The following GALNTL6 variants were observed in gnomAD, a reference collection of about 807,000 sequenced individuals.
GALNTL6 encodes polypeptide N-acetylgalactosaminyltransferase like 6.
A neutral mutation model predicts 73.7 loss-of-function variants in GALNTL6; 46 were observed. The observed-to-expected ratio is 0.62, with a 90% CI of 0.49 to 0.80. The LOEUF is 0.80. Ranked by LOEUF, GALNTL6 falls within the 30% of genes least tolerant of loss-of-function variation. The pLI is 0.00. For missense variants in GALNTL6, 604 were observed against 755.0 expected (o/e 0.80, Z 2.34); for synonymous variants, 259 against 263.7 (o/e 0.98, Z 0.17).
Position 172,628,037 on chromosome 4 carries a change from G to A in GALNTL6, c.554-181324G>A, listed in dbSNP as rs149090468. 6.0e-3 allele frequency among the ~76,000 whole-genome samples: 904 copies of A among 151,886 alleles called. 35 individuals carry two copies. In the East Asian group the frequency reaches 0.11, roughly 18 times the overall value. ...CTGTGAGTTTTTAGTATTGTGCAGT[G>A]CTCTATGAAATAAAGAAAAATATAC... On this transcript the variant is annotated intron_variant, in intron 5 of 12. Coordinates refer to ENST00000506823, the MANE Select transcript of GALNTL6 (RefSeq NM_001034845.3).
At chr4:171,952,072 C>G (rs891157094) in intron 2 of GALNTL6, among the ~76,000 whole-genome samples, 5 of 151,858 alleles carry the variant, frequency 3.3e-5, no homozygotes, top group African/African-American at 1.2e-4. Flanking sequence ...AATAAAGTAA[C>G]TAATTTAAAG....
In GALNTL6 at chr4:171,932,865, T is replaced by A. The variant is rs148461992; in HGVS notation, c.138+118147T>A. Among the ~76,000 whole-genome samples the A allele has an allele frequency of 1.6e-4, 25 of 152,252 alleles. No homozygotes were observed. In the East Asian group the frequency reaches 4.8e-3, roughly 29 times the overall value. ...GATAATACAATTGGATCACCAGGGATCCGGAATGTGTATCTAAATTGCTGG... is the reference window on the plus strand; with the variant it reads ...GATAATACAATTGGATCACCAGGGAACCGGAATGTGTATCTAAATTGCTGG... On this transcript the variant is annotated intron_variant, in intron 2 of 12. Transcript: ENST00000506823.
intron 5 of GALNTL6, among the ~76,000 whole-genome samples, chr4:172,566,181 T>A (rs1736548512): frequency 6.6e-6 from 1 of 152,168 alleles, no homozygotes; most frequent in South Asian, 2.1e-4. Flanking sequence ...AACAACACTG[T>A]AGATTTAGTA....
At chr4:172,784,448 A>G (rs761656842) in intron 5 of GALNTL6, among the ~76,000 whole-genome samples, 1 of 152,154 alleles carries the variant, frequency 6.6e-6, no homozygotes, top group Non-Finnish European at 1.5e-5. Context: ...TTGTAAAAAA[A>G]TACTATAAAT....
At chr4:171,815,026 A>G (rs1177947755) in intron 2 of GALNTL6, 1 of 475,238 alleles carries the variant, frequency 2.1e-6, no homozygotes, top group Admixed American at 3.7e-5. Flanking sequence ...CTGTTCAGCT[A>G]TGGAGGTGGG....
intron 2 of GALNTL6, among the ~76,000 whole-genome samples, chr4:171,880,048 T>G (rs180672558): frequency 6.6e-6 from 1 of 152,326 alleles, no homozygotes; most frequent in Admixed American, 6.5e-5. Context: ...AAGTAATCAG[T>G]AACATCATCC....
intron 5 of GALNTL6, among the ~76,000 whole-genome samples, chr4:172,471,476 C>T (rs1733047224): frequency 6.6e-6 from 1 of 152,166 alleles, no homozygotes; most frequent in South Asian, 2.1e-4. Flanking sequence ...ATTGATGCCA[C>T]TGTGAATCCA....
rs189817883 is a variant in GALNTL6, at chr4:171,859,519, T to A, written c.138+44801T>A. Among the ~76,000 whole-genome samples the A allele has an allele frequency of 1.2e-4, 18 of 152,182 alleles. No homozygotes were observed. In the East Asian group the frequency reaches 3.5e-3, roughly 29 times the overall value. ...CTTGATGACACACTGCAAGGATGCA[T>A]GGAACTGAGAAAAAAATCGGTTATA... On this transcript the variant is annotated intron_variant, in intron 2 of 12. Coordinates refer to ENST00000506823, the MANE Select transcript of GALNTL6 (RefSeq NM_001034845.3).
chr4:171,981,818 G>A (rs1181001969), intron 2 of GALNTL6, among the ~76,000 whole-genome samples: 2 of 151,476 alleles, frequency 1.3e-5, no homozygotes, highest in Non-Finnish European at 2.9e-5. Context: ...TATGTTTAAA[G>A]GAAATTATTC....
chr4:172,096,488 C>T (rs1447537695), intron 2 of GALNTL6, among the ~76,000 whole-genome samples: 3 of 151,728 alleles, frequency 2.0e-5, no homozygotes, highest in African/African-American at 4.8e-5. Context: ...TCCAATCACA[C>T]GATTTTTCCT....
intron 2 of GALNTL6, among the ~76,000 whole-genome samples, chr4:171,955,670 G>A (rs1031318115): frequency 6.6e-6 from 1 of 151,982 alleles, no homozygotes; most frequent in Non-Finnish European, 1.5e-5. Context: ...TACATGTTTA[G>A]TACAGATGCA....
chr4:172,900,554 T>C (rs1425712864), intron 8 of GALNTL6, among the ~76,000 whole-genome samples: 1 of 152,180 alleles, frequency 6.6e-6, no homozygotes, highest in Non-Finnish European at 1.5e-5. Flanking sequence ...GTTCAAATAT[T>C]AGCTGGGTGC....
At chr4:172,021,414 C>T (rs1741396853) in intron 2 of GALNTL6, among the ~76,000 whole-genome samples, 1 of 152,066 alleles carries the variant, frequency 6.6e-6, no homozygotes, top group African/African-American at 2.4e-5. Context: ...ACAATGAAAA[C>T]TATAAGACAT....
chr4:172,007,896 G>A (rs115976206), intron 2 of GALNTL6, among the ~76,000 whole-genome samples: 1,620 of 152,022 alleles, frequency 0.011, 33 homozygotes, highest in African/African-American at 0.035. Flanking sequence ...TGTAACATTG[G>A]GATCTTTTTA....
At chr4:172,688,193 C>T (rs562478586) in intron 5 of GALNTL6, among the ~76,000 whole-genome samples, 2 of 147,306 alleles carry the variant, frequency 1.4e-5, no homozygotes, top group South Asian at 2.1e-4. Flanking sequence ...TAAGGAATAA[C>T]CACTAAGTTA....
At chr4:172,595,439 G>A (rs113770396) in intron 5 of GALNTL6, among the ~76,000 whole-genome samples, 4,737 of 152,192 alleles carry the variant, frequency 0.031, 117 homozygotes, top group South Asian at 0.085. Flanking sequence ...ATGAATAGAA[G>A]CTATTGAACC....
At chr4:172,494,931 C>G (rs911966241) in intron 5 of GALNTL6, among the ~76,000 whole-genome samples, 1 of 152,168 alleles carries the variant, frequency 6.6e-6, no homozygotes, top group Non-Finnish European at 1.5e-5. Flanking sequence ...CACAGACACA[C>G]CCAGGAACAA....
intron 8 of GALNTL6, among the ~76,000 whole-genome samples, chr4:172,909,790 A>G (rs901949551): frequency 2.0e-5 from 3 of 152,256 alleles, no homozygotes; most frequent in East Asian, 3.8e-4. Flanking sequence ...ACATAAACCA[A>G]AGATAAACTC....
chr4:172,283,031 A>G (rs975048950), intron 3 of GALNTL6, among the ~76,000 whole-genome samples: 1 of 152,180 alleles, frequency 6.6e-6, no homozygotes, highest in African/African-American at 2.4e-5. Context: ...CCTGCCATGC[A>G]TCATTGGGAT....
Sources: allele counts gnomAD v4.1 joint callset (sites outside exome capture counted in the v4.1 genomes callset), GRCh38; gene constraint gnomAD v4.1.1; transcripts MANE v1.5; gene names NCBI Gene and HGNC (gene_info 2026-07-23, HGNC 2026-07-21).